NCBP1: variants seen among roughly 807,000 people sequenced by gnomAD.
The protein encoded by NCBP1 is nuclear cap-binding protein subunit 1.
Under a neutral mutation model 111.7 loss-of-function variants are expected in NCBP1, and 16 were observed. That is an observed-to-expected ratio of 0.14 (90% confidence interval 0.10 to 0.22). The LOEUF is 0.22. NCBP1 is among the 10% of genes least tolerant of loss of function. The pLI is 1.00. For missense variants in NCBP1, 607 were observed against 957.5 expected (o/e 0.63, Z 4.83); for synonymous variants, 304 against 314.3 (o/e 0.97, Z 0.35).
chr9:97,642,500 C>A (rs1290891376), intron 3 of NCBP1, among the ~76,000 whole-genome samples: 2 of 152,038 alleles, frequency 1.3e-5, no homozygotes, highest in African/African-American at 4.8e-5. Flanking sequence ...TGAGCTAATT[C>A]TAAAGGCTGC....
Position 97,651,333 on chromosome 9 carries a change from C to CA in NCBP1, c.1020dup (p.Gly341ArgfsTer13). ...AGTGCTGCACAGTTAGTGAGCTATC[C>CA]AGGGAAGAACAAGATCCCCTTGAAC... On this transcript the variant is annotated frameshift_variant, in exon 10 of 23. Transcript: ENST00000375147. LOFTEE classifies it high-confidence loss of function. 6.2e-7 allele frequency: 1 copy of CA among 1,613,208 alleles called. No individual in the cohort carries two copies. Among genetic ancestry groups the CA allele is most frequent in the Non-Finnish European group, 8.5e-7 (1 of 1,179,578 alleles).
chr9:97,657,503 T>C (rs1827694051), intron 14 of NCBP1, among the ~76,000 whole-genome samples: 1 of 152,222 alleles, frequency 6.6e-6, no homozygotes, highest in African/African-American at 2.4e-5. Context: ...GTGATGTTAA[T>C]CCTGATCCAC....
At chr9:97,637,040 A>G (rs1827062020) in intron 1 of NCBP1, among the ~76,000 whole-genome samples, 1 of 152,154 alleles carries the variant, frequency 6.6e-6, no homozygotes, top group African/African-American at 2.4e-5. Flanking sequence ...CTGTCATGTT[A>G]ACAGAAGAGC....
chr9:97,664,223 C>T, intron 18 of NCBP1, 117 bp from the exon 19 acceptor site: 1 of 579,292 alleles, frequency 1.7e-6, no homozygotes, highest in Non-Finnish European at 3.0e-6. Flanking sequence ...ATTCCATAGC[C>T]ACCAAAACTA....
chr9:97,636,377 G>A (rs1057287176), intron 1 of NCBP1, among the ~76,000 whole-genome samples: 4 of 150,724 alleles, frequency 2.7e-5, no homozygotes, highest in African/African-American at 9.7e-5. Flanking sequence ...CTGGACAATT[G>A]TCAGCTGCTG....
intron 6 of NCBP1, among the ~76,000 whole-genome samples, chr9:97,645,996 C>G (rs1347166097): frequency 6.6e-6 from 1 of 152,190 alleles, no homozygotes; most frequent in Admixed American, 6.5e-5. Flanking sequence ...ATAAAACACC[C>G]TAGTGCAATA....
chr9:97,652,543 C>T (rs1378734517), intron 10 of NCBP1, among the ~76,000 whole-genome samples: 1 of 152,184 alleles, frequency 6.6e-6, no homozygotes, highest in African/African-American at 2.4e-5. Flanking sequence ...TCACTTGAGC[C>T]TAGGAGGTCA....
rs1828093642 is a variant in NCBP1 at position 97,668,925 on chromosome 9, T to G, written c.2096T>G (p.Val699Gly). 12 of 1,613,790 alleles carry G rather than the reference T, an allele frequency of 7.4e-6. No homozygotes were observed. The highest frequency in any genetic ancestry group is 1.3e-5 in the African/African-American group (1 of 75,012). Residue 699 changes from valine to glycine, a missense_variant, in exon 21 of 23, where the codon GTG becomes GGG. Val to Gly is a moderately radical substitution (Grantham distance 109, BLOSUM62 -3). Transcript: ENST00000375147. Reference protein sequence around the residue: ...EEQIERLQEKVESAQSEQKNL... With the variant: ...EEQIERLQEKGESAQSEQKNL... Reference sequence around the variant, plus strand: ...CAAATAGAACGACTTCAGGAAAAAGTGGAATCTGCTCAGAGTGAACAAAAG... The same window carrying G: ...CAAATAGAACGACTTCAGGAAAAAGGGGAATCTGCTCAGAGTGAACAAAAG...
At chr9:97,636,773 G>A (rs116913301) in intron 1 of NCBP1, among the ~76,000 whole-genome samples, 2,101 of 151,210 alleles carry the variant, frequency 0.014, 100 homozygotes, top group East Asian at 0.13. Flanking sequence ...CCCCTCTAGA[G>A]TAGAGAGAAG....
intron 1 of NCBP1, among the ~76,000 whole-genome samples, chr9:97,636,595 TTATA>T (rs1166178865): frequency 1.5e-5 from 2 of 137,656 alleles, no homozygotes; most frequent in African/African-American, 5.2e-5. Flanking sequence ...TTACATATAA[TTATA>T]TACTGTATAT....
intron 14 of NCBP1, 53 bp from the exon 15 acceptor site, chr9:97,658,587 C>A: frequency 7.2e-7 from 1 of 1,386,848 alleles, no homozygotes; most frequent in African/African-American, 1.4e-5. Context: ...CGGGTGTTAC[C>A]GAAGAATGGG....
At chr9:97,646,058 C>G (rs1469310980) in intron 6 of NCBP1, among the ~76,000 whole-genome samples, 1 of 152,206 alleles carries the variant, frequency 6.6e-6, no homozygotes, top group Non-Finnish European at 1.5e-5. Flanking sequence ...TTAAAATACT[C>G]AGACCCCAAC....
At chr9:97,643,834 C>G (rs1827265733) in intron 4 of NCBP1, among the ~76,000 whole-genome samples, 2 of 152,132 alleles carry the variant, frequency 1.3e-5, no homozygotes, top group Non-Finnish European at 2.9e-5. Context: ...ATGCCTTCCT[C>G]CAGATGTTCT....
chr9:97,645,884 C>T, intron 6 of NCBP1, 152 bp downstream of exon 6: 2 of 947,880 alleles, frequency 2.1e-6, no homozygotes, highest in Non-Finnish European at 3.0e-6. Context: ...TCACTGAGAC[C>T]TCAAAGTAGT....
Position 97,673,359 on chromosome 9 carries a change from T to C in NCBP1, c.*2160T>C, listed in dbSNP as rs1011975387. 6.6e-5 allele frequency: 10 copies of C among 152,186 alleles called. No individual in the cohort carries two copies. The highest frequency in any genetic ancestry group is 1.5e-5 in the Non-Finnish European group (1 of 68,028). The allele number at this position is 152,186 out of a possible 1,614,324, so 9.4% of individuals were successfully genotyped here. On this transcript the variant is annotated 3_prime_UTR_variant, in exon 23 of 23. Transcript: ENST00000375147. ...AAACCAAAGGATAACCTTTAAGGGA[T>C]TGGTAACTTTGACTCAAAACTGCTT...
intron 19 of NCBP1, 47 bp downstream of exon 19, chr9:97,664,490 T>C (rs1244059915): frequency 1.5e-6 from 2 of 1,293,544 alleles, no homozygotes; most frequent in Non-Finnish European, 1.1e-6. Context: ...AGAATTGATA[T>C]ATGTGTGGTC....
intron 9 of NCBP1, among the ~76,000 whole-genome samples, chr9:97,650,970 T>G (rs1827481307): frequency 6.6e-6 from 1 of 152,050 alleles, no homozygotes; most frequent in Non-Finnish European, 1.5e-5. Flanking sequence ...TTTCTTAAAC[T>G]TTGGGAAGTT....
chr9:97,646,724 C>T (rs755020900), intron 6 of NCBP1, among the ~76,000 whole-genome samples: 8 of 151,538 alleles, frequency 5.3e-5, no homozygotes, highest in Admixed American at 2.6e-4. Context: ...GTAATCCCAG[C>T]TACTCGGGAG....
In NCBP1 at chr9:97,654,913, T is replaced by C. The variant is rs1161881141; in HGVS notation, c.1204T>C (p.Leu402=). The C allele has an allele frequency of 6.2e-7, 1 of 1,612,130 alleles. No individual in the cohort carries two copies. ...AQATEMLYMR[L]DTMNTTCVDR... ...GGCAACTGAAATGCTATACATGCGTTTGGACACAATGAACACTACCTGTGT... is the reference window on the plus strand; with the variant it reads ...GGCAACTGAAATGCTATACATGCGTCTGGACACAATGAACACTACCTGTGT... Residue 402 remains leucine, a synonymous_variant, in exon 12 of 23, where the codon TTG becomes CTG. Coordinates refer to ENST00000375147, the MANE Select transcript of NCBP1 (RefSeq NM_002486.5).
Sources: gnomAD v4.1 joint callset for allele counts (sites outside exome capture counted in the v4.1 genomes callset) on GRCh38, gnomAD v4.1.1 for gene constraint, MANE v1.5 for transcripts, NCBI Gene and HGNC (gene_info 2026-07-23, HGNC 2026-07-21) for gene names.